Variants in SMIM14 observed in about 807,000 individuals in gnomAD.
The protein encoded by SMIM14 is small integral membrane protein 14.
SMIM14 carries 5 observed loss-of-function variants against 12.6 expected under a neutral mutation model. That is an observed-to-expected ratio of 0.40 (90% CI 0.21 to 0.83). The LOEUF (loss-of-function observed/expected upper bound fraction) is 0.83. Among genes scored for constraint, SMIM14 ranks in the 40% least tolerant of loss-of-function variants. The pLI, the probability that SMIM14 is intolerant of heterozygous loss-of-function variation, is 0.37. For synonymous variants in SMIM14, 30 were observed against 40.1 expected (o/e 0.75, Z 0.95); for missense variants, 86 against 119.1 (o/e 0.72, Z 1.29).
At chr4:39,562,906 A>T (rs1488563351) in intron 3 of SMIM14, among the ~76,000 whole-genome samples, 1 of 151,826 alleles carries the variant, frequency 6.6e-6, no homozygotes, top group Non-Finnish European at 1.5e-5. Flanking sequence ...AGCCTCGCAA[A>T]GTGCTAGGAT....
chr4:39,618,010 T>C (rs73139483), intron 1 of SMIM14, among the ~76,000 whole-genome samples: 16,446 of 152,156 alleles, frequency 0.11, 1,427 homozygotes, highest in South Asian at 0.3. Context: ...ATGCTTACCA[T>C]AGTTGAGATG....
rs1346079227 is a variant in SMIM14 at position 39,600,304 on chromosome 4, G to A, written c.75+4767C>T. Among the ~76,000 whole-genome samples, 10 of 152,002 alleles carry A rather than the reference G, an allele frequency of 6.6e-5. 1 individual carries two copies. The highest frequency in any genetic ancestry group is 6.6e-4 in the Admixed American group (10 of 15,242). ...TCCACCTGCCTCAGCCTCCCAAAGT[G>A]ATGAGATTATAGGCATGAGCCACCG... On this transcript the variant is annotated intron_variant, in intron 2 of 4. Transcript: ENST00000295958.
At chr4:39,621,445 T>C (rs762087549) in intron 1 of SMIM14, among the ~76,000 whole-genome samples, 2 of 152,112 alleles carry the variant, frequency 1.3e-5, no homozygotes, top group Non-Finnish European at 2.9e-5. Context: ...GCATTTGAAA[T>C]TACAAACTAT....
intron 1 of SMIM14, among the ~76,000 whole-genome samples, chr4:39,622,208 C>T (rs112822546): frequency 0.048 from 7,248 of 151,242 alleles, 186 homozygotes; most frequent in Middle Eastern, 0.065. Flanking sequence ...CTCAGCCTCC[C>T]GAGTAGCTGG....
At position 39,597,568 on chromosome 4, in the gene SMIM14, C is replaced by T. The variant is rs28525985; in HGVS notation, c.75+7503G>A. ...AAGTGATTCTCCTGCCTCAGCCTCC[C>T]GAGTAGCTGGGATTACAGGCACCTG... is the stretch of plus-strand genomic sequence containing the variant. On this transcript the variant is annotated intron_variant, in intron 2 of 4. Coordinates refer to ENST00000295958, the MANE Select transcript of SMIM14 (RefSeq NM_174921.3). 4.5e-3 allele frequency among the ~76,000 whole-genome samples: 683 copies of T among 151,434 alleles called. 5 individuals carry two copies. Among genetic ancestry groups the T allele is most frequent in the African/African-American group, 0.016 (648 of 41,244 alleles).
chr4:39,593,010 T>C (rs567742579), intron 2 of SMIM14: 20 of 151,706 alleles, frequency 1.3e-4, no homozygotes, highest in African/African-American at 4.8e-4. Flanking sequence ...CTGAAACTAT[T>C]CCAATCAATA....
chr4:39,597,586 G>GGC, intron 2 of SMIM14, among the ~76,000 whole-genome samples: 2 of 151,776 alleles, frequency 1.3e-5, no homozygotes, highest in Non-Finnish European at 2.9e-5. Flanking sequence ...TGGGATTACA[G>GGC]GCACCTGCCA....
At chr4:39,560,644 C>CAAACA (rs1046754202) in intron 3 of SMIM14, among the ~76,000 whole-genome samples, 3 of 151,808 alleles carry the variant, frequency 2.0e-5, no homozygotes, top group Non-Finnish European at 4.4e-5. Context: ...GACCCCGTCT[C>CAAACA]AAACAAAACA....
chr4:39,576,042 C>T (rs1713151604), intron 2 of SMIM14, among the ~76,000 whole-genome samples: 2 of 151,558 alleles, frequency 1.3e-5, no homozygotes, highest in African/African-American at 2.4e-5. Context: ...TACAGGCATG[C>T]CCCACCATGC....
intron 3 of SMIM14, among the ~76,000 whole-genome samples, chr4:39,569,204 C>T (rs1712735619): frequency 6.6e-6 from 1 of 152,184 alleles, no homozygotes; most frequent in Non-Finnish European, 1.5e-5. Flanking sequence ...CCTAACAATG[C>T]ACATTTCTAT....
intron 4 of SMIM14, among the ~76,000 whole-genome samples, chr4:39,554,828 GA>G (rs1578306682): frequency 7.0e-6 from 1 of 143,248 alleles, no homozygotes; most frequent in South Asian, 2.2e-4. Context: ...CAAATTCATG[GA>G]ATTTTTTTTT....
At chr4:39,568,705 A>G (rs1272165584) in intron 3 of SMIM14, among the ~76,000 whole-genome samples, 1 of 152,220 alleles carries the variant, frequency 6.6e-6, no homozygotes, top group Non-Finnish European at 1.5e-5. Flanking sequence ...AGTAGTATCT[A>G]AATATAAAGA....
chr4:39,611,222 C>T (rs894570734), intron 1 of SMIM14, among the ~76,000 whole-genome samples: 1 of 152,158 alleles, frequency 6.6e-6, no homozygotes, highest in East Asian at 1.9e-4. Flanking sequence ...ATTAATTCAT[C>T]CAGCCAGACA....
intron 1 of SMIM14, among the ~76,000 whole-genome samples, chr4:39,622,550 G>GTAATT (rs1454444370): frequency 6.6e-6 from 1 of 152,166 alleles, no homozygotes; most frequent in Admixed American, 6.5e-5. Flanking sequence ...ACAGGTGTGT[G>GTAATT]CCACCACACC....
intron 1 of SMIM14, among the ~76,000 whole-genome samples, chr4:39,618,094 T>C (rs551850751): frequency 6.6e-6 from 1 of 152,190 alleles, no homozygotes; most frequent in African/African-American, 2.4e-5. Context: ...AGCCCACTTC[T>C]TCAGAAATAA....
At chr4:39,576,674 ATATATATATATTTTTTTTT>A (rs1713195162) in intron 2 of SMIM14, among the ~76,000 whole-genome samples, 1 of 28,216 alleles carries the variant, frequency 3.5e-5, no homozygotes, top group African/African-American at 1.1e-4. Flanking sequence ...ATATATATAT[ATATATATATATTTTTTTTT>A]TTTTTTTTTT....
intron 2 of SMIM14, among the ~76,000 whole-genome samples, chr4:39,591,781 G>A (rs1714094209): frequency 6.6e-6 from 1 of 151,988 alleles, no homozygotes; most frequent in Admixed American, 6.6e-5. Context: ...GGCCAGGTTG[G>A]TCTCAAACTC....
At chr4:39,594,626 A>C (rs1714274408) in intron 2 of SMIM14, 2 of 148,442 alleles carry the variant, frequency 1.3e-5, no homozygotes, top group African/African-American at 5.0e-5. Flanking sequence ...AACCTACAAA[A>C]TGGGAGAAAA....
intron 4 of SMIM14, among the ~76,000 whole-genome samples, chr4:39,554,917 C>T (rs1287700892): frequency 6.7e-6 from 1 of 149,428 alleles, no homozygotes; most frequent in Non-Finnish European, 1.5e-5. Flanking sequence ...CTCACTGCAA[C>T]CTCCATCTCC....
Sources: gnomAD v4.1 joint callset for allele counts (sites outside exome capture counted in the v4.1 genomes callset) on GRCh38, gnomAD v4.1.1 for gene constraint, MANE v1.5 for transcripts, NCBI Gene and HGNC (gene_info 2026-07-23, HGNC 2026-07-21) for gene names.